LINGO2: variants seen among roughly 807,000 people sequenced by gnomAD.
LINGO2 encodes the protein leucine-rich repeat and immunoglobulin-like domain-containing nogo receptor-interacting protein 2.
A neutral mutation model predicts 30.6 loss-of-function variants in LINGO2; 14 were observed. That is an observed-to-expected ratio of 0.46 (90% CI 0.30 to 0.72). The LOEUF is 0.72. LINGO2 is among the 30% of genes least tolerant of loss of function. The pLI is 0.07. For missense variants in LINGO2, 729 were observed against 751.7 expected, an observed-to-expected ratio of 0.97 and a Z score of 0.35; for synonymous variants, 317 against 288.5, an observed-to-expected ratio of 1.10 and a Z score of -1.00.
At chr9:29,063,257 C>T in the LINGO2 span, among the ~76,000 whole-genome samples, 2 of 152,234 alleles carry the variant, frequency 1.3e-5, no homozygotes, top group East Asian at 1.9e-4. Flanking sequence ...AAGAGGGCAA[C>T]AGCTGCAGAA....
intron 4 of LINGO2, among the ~76,000 whole-genome samples, chr9:28,237,414 A>T (rs1411050180): frequency 6.6e-6 from 1 of 152,156 alleles, no homozygotes; most frequent in African/African-American, 2.4e-5. Flanking sequence ...AAAAGAAATA[A>T]TAAAATGGCA....
chr9:28,620,120 A>G lies in LINGO2; in HGVS notation c.-365+50080T>C, dbSNP rs1826325719. Among the ~76,000 whole-genome samples, 3 of 151,324 alleles carry G rather than the reference A, an allele frequency of 2.0e-5. No homozygotes were observed. The South Asian group carries it at 6.3e-4, about 32-fold the overall frequency. ...CTGCAGCAATGGTCTTTCCACAGAG[A>G]AAGTTTGCAGTTTTCAACAGCCCTA... On this transcript the variant is annotated intron_variant, in intron 1 of 5. Transcript: ENST00000379992.
chr9:28,900,540 C>A, the LINGO2 span, among the ~76,000 whole-genome samples: 3 of 152,188 alleles, frequency 2.0e-5, no homozygotes, highest in Non-Finnish European at 4.4e-5. Flanking sequence ...AAGGCCATCT[C>A]TGCATACCCG....
chr9:28,187,068 G>C (rs1192700677), intron 4 of LINGO2, among the ~76,000 whole-genome samples: 2 of 152,118 alleles, frequency 1.3e-5, no homozygotes, highest in African/African-American at 4.8e-5. Flanking sequence ...CCAGTTAGGA[G>C]ACTATAGCAG....
intron 4 of LINGO2, among the ~76,000 whole-genome samples, chr9:28,047,211 C>T (rs779958247): frequency 1.3e-4 from 20 of 152,074 alleles, no homozygotes; most frequent in Non-Finnish European, 2.2e-4. Context: ...ATGTAAGTTT[C>T]CCCTACATAA....
At chr9:28,585,665 G>A (rs142126335) in intron 1 of LINGO2, among the ~76,000 whole-genome samples, 51 of 152,094 alleles carry the variant, frequency 3.4e-4, no homozygotes, top group Middle Eastern at 3.4e-3. Context: ...TGTATTAAAT[G>A]CATTTTTTAC....
chr9:27,992,946 C>T (rs1821472646), intron 5 of LINGO2, among the ~76,000 whole-genome samples: 1 of 152,058 alleles, frequency 6.6e-6, no homozygotes, highest in Non-Finnish European at 1.5e-5. Flanking sequence ...GAAAAGGCAA[C>T]TTGTGAGAAC....
chr9:28,572,762 A>G (rs1279579896), intron 1 of LINGO2, among the ~76,000 whole-genome samples: 1 of 152,126 alleles, frequency 6.6e-6, no homozygotes, highest in Non-Finnish European at 1.5e-5. Context: ...CGCGTATATT[A>G]GACTCATATC....
the LINGO2 span, among the ~76,000 whole-genome samples, chr9:28,989,644 G>C: frequency 6.6e-6 from 1 of 152,060 alleles, no homozygotes. Context: ...TAGATCATAT[G>C]TTTAGACTCT....
At chr9:29,002,079 A>AT in the LINGO2 span, among the ~76,000 whole-genome samples, 2 of 151,418 alleles carry the variant, frequency 1.3e-5, no homozygotes, top group African/African-American at 2.4e-5. Flanking sequence ...GAATTATGTT[A>AT]TTTTTTCTTT....
chr9:28,042,348 T>C (rs1175765724), intron 4 of LINGO2, among the ~76,000 whole-genome samples: 2 of 152,290 alleles, frequency 1.3e-5, no homozygotes, highest in South Asian at 2.1e-4. Flanking sequence ...ATCAGCTCCA[T>C]ATTAATTGTC....
chr9:28,699,300 C>A, the LINGO2 span, among the ~76,000 whole-genome samples: 1 of 151,854 alleles, frequency 6.6e-6, no homozygotes, highest in East Asian at 1.9e-4. Flanking sequence ...AGTCAGGGAC[C>A]CCGAATGAAG....
chr9:28,532,768 G>C (rs1307125132), intron 1 of LINGO2, among the ~76,000 whole-genome samples: 1 of 152,010 alleles, frequency 6.6e-6, no homozygotes, highest in African/African-American at 2.4e-5. Flanking sequence ...GAGGATTGGG[G>C]ACCAGGTGTC....
intron 4 of LINGO2, among the ~76,000 whole-genome samples, chr9:28,051,664 C>G (rs1418978463): frequency 6.6e-6 from 1 of 152,008 alleles, no homozygotes. Flanking sequence ...CAAACCCTGC[C>G]TAGGATTAAG....
At chr9:28,416,866 AC>A (rs1392946180) in intron 2 of LINGO2, among the ~76,000 whole-genome samples, 2 of 152,210 alleles carry the variant, frequency 1.3e-5, no homozygotes, top group African/African-American at 4.8e-5. Context: ...TCTAATGTAT[AC>A]ATTTTCCTTC....
intron 5 of LINGO2, among the ~76,000 whole-genome samples, chr9:27,965,203 G>A (rs1377968539): frequency 6.6e-6 from 1 of 151,886 alleles, no homozygotes; most frequent in African/African-American, 2.4e-5. Flanking sequence ...TGCTTGATGA[G>A]TCATTTGCCT....
intron 5 of LINGO2, among the ~76,000 whole-genome samples, chr9:27,963,124 T>A (rs1042746971): frequency 6.6e-6 from 1 of 152,194 alleles, no homozygotes; most frequent in African/African-American, 2.4e-5. Flanking sequence ...TGGGACTTTT[T>A]CATCTATGTC....
the LINGO2 span, among the ~76,000 whole-genome samples, chr9:28,848,069 A>AGT: frequency 9.0e-4 from 39 of 43,500 alleles, no homozygotes; most frequent in Middle Eastern, 0.048. Flanking sequence ...ATATGTATAT[A>AGT]ATATATATAT....
chr9:28,106,623 C>T (rs1397410919), intron 4 of LINGO2, among the ~76,000 whole-genome samples: 31 of 152,256 alleles, frequency 2.0e-4, no homozygotes, highest in Non-Finnish European at 1.5e-5. Context: ...TTTCTTCCTT[C>T]AGCATCTCTT....
Sources: gnomAD v4.1 joint callset for allele counts (sites outside exome capture counted in the v4.1 genomes callset) on GRCh38, gnomAD v4.1.1 for gene constraint, MANE v1.5 for transcripts, NCBI Gene and HGNC (gene_info 2026-07-23, HGNC 2026-07-21) for gene names.